Variants in ANKRD6 observed in about 807,000 individuals in gnomAD.
ANKRD6 encodes ankyrin repeat domain-containing protein 6.
In ANKRD6, 56 loss-of-function variants were observed where a neutral mutation model predicts 82.3. That is an observed-to-expected ratio of 0.68 (90% confidence interval 0.55 to 0.85). The LOEUF (loss-of-function observed/expected upper bound fraction) is 0.85, where lower values mean the gene tolerates loss of function less well. ANKRD6 is among the 40% of genes least tolerant of loss of function. The pLI, the probability that ANKRD6 is intolerant of heterozygous loss-of-function variation, is 0.00. For synonymous variants in ANKRD6, 347 were observed against 352.1 expected (o/e 0.99, Z 0.16); for missense variants, 852 against 907.6 (o/e 0.94, Z 0.79).
chr6:89,613,873 G>A lies in ANKRD6; in HGVS notation c.598G>A (p.Val200Ile). ...IRLLLTAFCS[V>I]HEKNQAGDTA... ...GCTCCTCCTCACTGCTTTCTGTTCTGTCCATGAAAAGAACCAGGTCAGTGC... is the reference window on the plus strand; with the variant it reads ...GCTCCTCCTCACTGCTTTCTGTTCTATCCATGAAAAGAACCAGGTCAGTGC... Residue 200 changes from valine to isoleucine, a missense_variant, in exon 7 of 16, where the codon GTC (valine) becomes ATC (isoleucine). Transcript: ENST00000339746. The A allele has an allele frequency of 6.2e-7, 1 of 1,613,876 alleles. No homozygotes were observed. The highest frequency in any genetic ancestry group is 8.5e-7 in the Non-Finnish European group (1 of 1,179,874).
At chr6:89,452,390 G>A (rs1356712800) in intron 1 of ANKRD6, among the ~76,000 whole-genome samples, 4 of 152,100 alleles carry the variant, frequency 2.6e-5, no homozygotes, top group Non-Finnish European at 4.4e-5. Flanking sequence ...GAAGCTATTC[G>A]ATATTTAAGT....
intron 8 of ANKRD6, chr6:89,616,939 G>A (rs536488674): frequency 1.7e-5 from 10 of 578,398 alleles, no homozygotes; most frequent in East Asian, 1.6e-4. Flanking sequence ...TTAAACTGAC[G>A]AGTGGATGTT....
chr6:89,458,591 A>G (rs546335597), intron 1 of ANKRD6, among the ~76,000 whole-genome samples: 234 of 152,366 alleles, frequency 1.5e-3, no homozygotes, highest in African/African-American at 5.2e-3. Flanking sequence ...GGAAGCATCC[A>G]GCACGGGAGA....
Position 89,630,558 on chromosome 6 carries a change from T to C in ANKRD6, c.1738T>C (p.Ser580Pro). 2 of 1,613,874 alleles carry C rather than the reference T, an allele frequency of 1.2e-6. No homozygotes were observed. The highest frequency in any genetic ancestry group is 2.2e-5 in the South Asian group (2 of 91,076). The change falls in exon 16 of 16, where the codon TCT becomes CCT. Residue 580 changes from serine to proline, a missense_variant. Ser to Pro is a moderately conservative substitution (Grantham distance 74). Transcript: ENST00000339746. ...CCAGAGACTCCAGCAGGAGCTGTCG[T>C]CTTCTGACTGTACAGGCTCCCGACT... ...ATQRLQQELS[S>P]SDCTGSRLRN...
chr6:89,446,026 GCCT>G (rs1389672859), intron 1 of ANKRD6, among the ~76,000 whole-genome samples: 1 of 152,160 alleles, frequency 6.6e-6, no homozygotes, highest in Admixed American at 6.5e-5. Context: ...CTCTCTTTGG[GCCT>G]CCTATTCCCT....
At chr6:89,485,767 C>A (rs1658342738) in intron 1 of ANKRD6, among the ~76,000 whole-genome samples, 1 of 152,196 alleles carries the variant, frequency 6.6e-6, no homozygotes, top group South Asian at 2.1e-4. Flanking sequence ...GATTAAATTA[C>A]TCCTTATTTG....
At chr6:89,581,779 G>A (rs1299479502) in intron 2 of ANKRD6, 1 of 152,254 alleles carries the variant, frequency 6.6e-6, no homozygotes, top group African/African-American at 2.4e-5. Flanking sequence ...TGGGTCTTTT[G>A]TTCTGACCCC....
intron 2 of ANKRD6, among the ~76,000 whole-genome samples, chr6:89,577,650 T>C (rs1791431720): frequency 6.6e-6 from 1 of 152,134 alleles, no homozygotes; most frequent in Non-Finnish European, 1.5e-5. Context: ...AGACCCTGTC[T>C]TTACAGAAAA....
intron 4 of ANKRD6, 133 bp downstream of exon 4, chr6:89,603,260 A>G (rs917324206): frequency 4.5e-6 from 3 of 673,010 alleles, no homozygotes; most frequent in Non-Finnish European, 7.5e-6. Flanking sequence ...TTATGATTTA[A>G]CATGATTAAA....
intron 9 of ANKRD6, among the ~76,000 whole-genome samples, chr6:89,620,533 G>T (rs1256095024): frequency 6.6e-6 from 1 of 152,134 alleles, no homozygotes; most frequent in African/African-American, 2.4e-5. Flanking sequence ...TCGGGGAAGT[G>T]GTTCTCAGAC....
intron 1 of ANKRD6, among the ~76,000 whole-genome samples, chr6:89,502,555 A>G (rs1779381660): frequency 6.6e-6 from 1 of 152,164 alleles, no homozygotes; most frequent in Non-Finnish European, 1.5e-5. Context: ...CCAAATCCCT[A>G]TCTACTAAAA....
At chr6:89,487,732 C>G (rs1777531107) in intron 1 of ANKRD6, among the ~76,000 whole-genome samples, 1 of 152,184 alleles carries the variant, frequency 6.6e-6, no homozygotes, top group African/African-American at 2.4e-5. Context: ...TTCACCTTCT[C>G]TCATTGATCA....
At chr6:89,618,234 C>T (rs1332286899) in intron 9 of ANKRD6, 15 of 701,036 alleles carry the variant, frequency 2.1e-5, no homozygotes, top group Non-Finnish European at 2.8e-5. Flanking sequence ...ATGCCTGGGC[C>T]GCCTCATCTT....
chr6:89,482,449 T>A (rs981189465), intron 1 of ANKRD6, among the ~76,000 whole-genome samples: 5 of 152,234 alleles, frequency 3.3e-5, no homozygotes, highest in Admixed American at 6.5e-5. Flanking sequence ...TCAATTTTTT[T>A]ATTTCATAGT....
At chr6:89,463,168 A>G (rs913564849) in intron 1 of ANKRD6, among the ~76,000 whole-genome samples, 3 of 152,224 alleles carry the variant, frequency 2.0e-5, no homozygotes, top group African/African-American at 7.2e-5. Context: ...ATACCTGGCT[A>G]TAATTTCTAA....
At chr6:89,477,243 C>T (rs534649329) in intron 1 of ANKRD6, among the ~76,000 whole-genome samples, 4 of 152,128 alleles carry the variant, frequency 2.6e-5, no homozygotes, top group African/African-American at 7.2e-5. Flanking sequence ...CGTGCCCAGC[C>T]GGTGAAAGGT....
intron 1 of ANKRD6, among the ~76,000 whole-genome samples, chr6:89,544,442 A>G (rs12212781): frequency 0.24 from 35,978 of 152,208 alleles, 4,828 homozygotes; most frequent in Middle Eastern, 0.33. Flanking sequence ...CTGTCCGGGC[A>G]CAGTGGCTCA....
At chr6:89,504,748 C>T (rs1046748225) in intron 1 of ANKRD6, among the ~76,000 whole-genome samples, 18 of 152,182 alleles carry the variant, frequency 1.2e-4, no homozygotes, top group African/African-American at 4.3e-4. Flanking sequence ...GGAATTTGCC[C>T]ATCCAGTCTG....
In ANKRD6 at chr6:89,632,693, G is replaced by GTGTC. The variant is rs1231716317; in HGVS notation, c.*1690_*1691insGTCT. On this transcript the variant is annotated 3_prime_UTR_variant, in exon 16 of 16. Coordinates refer to ENST00000339746, the MANE Select transcript of ANKRD6 (RefSeq NM_001242809.2). ...TGTCTTGTTCTCAACTACTACGCAG[G>GTGTC]TAGACAGTCTTCCCCCAGAGACTCA... 6.6e-6 allele frequency: 1 copy of GTGTC among 152,184 alleles called. No homozygotes were observed. Among genetic ancestry groups the GTGTC allele is most frequent in the Non-Finnish European group, 1.5e-5 (1 of 68,036 alleles). 9.4% of individuals were successfully genotyped at this position (152,184 alleles called of 1,614,324 possible).
Sources: gnomAD v4.1 joint callset for allele counts (sites outside exome capture counted in the v4.1 genomes callset) on GRCh38, gnomAD v4.1.1 for gene constraint, MANE v1.5 for transcripts, NCBI Gene and HGNC (gene_info 2026-07-23, HGNC 2026-07-21) for gene names.